ZBTB20: variants seen among roughly 807,000 people sequenced by gnomAD.
ZBTB20 encodes zinc finger and BTB domain-containing protein 20.
ZBTB20 carries 9 observed loss-of-function variants against 56.9 expected under a neutral mutation model. The observed-to-expected ratio is 0.16, with a 90% CI of 0.10 to 0.28. The LOEUF is 0.28. Ranked by LOEUF, ZBTB20 falls within the 10% of genes least tolerant of loss-of-function variation. The pLI is 1.00. For synonymous variants in ZBTB20, 417 were observed against 420.7 expected, an observed-to-expected ratio of 0.99 and a Z score of 0.11; for missense variants, 655 against 1,003.0, an observed-to-expected ratio of 0.65 and a Z score of 4.69.
At chr3:114,736,118 G>A (rs1393429987) in intron 5 of ZBTB20, among the ~76,000 whole-genome samples, 2 of 152,100 alleles carry the variant, frequency 1.3e-5, no homozygotes, top group Non-Finnish European at 2.9e-5. Context: ...TTCCATTCTA[G>A]CTCCACATTC....
chr3:114,646,968 A>ATT (rs889462951), intron 6 of ZBTB20, among the ~76,000 whole-genome samples: 2 of 150,660 alleles, frequency 1.3e-5, no homozygotes, highest in African/African-American at 4.9e-5. Flanking sequence ...TTATTTATTT[A>ATT]TTTTTTTTTA....
chr3:114,368,392 A>G (rs1254959644), intron 10 of ZBTB20, among the ~76,000 whole-genome samples: 1 of 152,156 alleles, frequency 6.6e-6, no homozygotes, highest in Non-Finnish European at 1.5e-5. Flanking sequence ...GCAGTCTGTT[A>G]TCATACCTGC....
chr3:114,497,583 C>A (rs536806008), intron 7 of ZBTB20, among the ~76,000 whole-genome samples: 1 of 152,186 alleles, frequency 6.6e-6, no homozygotes, highest in Non-Finnish European at 1.5e-5. Context: ...GACTTTAAGA[C>A]CCAGCCTGGT....
intron 5 of ZBTB20, among the ~76,000 whole-genome samples, chr3:114,749,404 G>A (rs1031542803): frequency 5.3e-5 from 8 of 152,002 alleles, no homozygotes; most frequent in Non-Finnish European, 1.0e-4. Flanking sequence ...ATACAAAAAA[G>A]TAGCTGGGTG....
chr3:114,689,474 G>T (rs1350134487), intron 6 of ZBTB20, among the ~76,000 whole-genome samples: 3 of 152,080 alleles, frequency 2.0e-5, no homozygotes, highest in African/African-American at 7.2e-5. Flanking sequence ...TATCGTACTA[G>T]TTCGTTCTAA....
chr3:114,678,442 A>G (rs2061767427), intron 6 of ZBTB20, among the ~76,000 whole-genome samples: 1 of 152,200 alleles, frequency 6.6e-6, no homozygotes, highest in Non-Finnish European at 1.5e-5. Context: ...AGTCAACTAT[A>G]GGATATTGTT....
At chr3:114,371,103 T>C (rs185360412) in intron 10 of ZBTB20, among the ~76,000 whole-genome samples, 15 of 152,328 alleles carry the variant, frequency 9.8e-5, no homozygotes, top group Non-Finnish European at 2.1e-4. Context: ...ATCTTGCTCA[T>C]GGTAGGCCCT....
At chr3:115,034,454 A>G (rs1365595016) in intron 2 of ZBTB20, among the ~76,000 whole-genome samples, 2 of 151,872 alleles carry the variant, frequency 1.3e-5, no homozygotes, top group African/African-American at 2.4e-5. Flanking sequence ...ACACTGAACA[A>G]TCTAAAAAGA....
intron 10 of ZBTB20, among the ~76,000 whole-genome samples, chr3:114,353,727 T>TA (rs2108235932): frequency 6.6e-6 from 1 of 152,352 alleles, no homozygotes; most frequent in African/African-American, 2.4e-5. Flanking sequence ...ACCATGATAG[T>TA]AATCACAAGA....
At chr3:114,892,331 A>G (rs1320860888) in intron 4 of ZBTB20, among the ~76,000 whole-genome samples, 1 of 152,176 alleles carries the variant, frequency 6.6e-6, no homozygotes, top group Non-Finnish European at 1.5e-5. Flanking sequence ...AACAGCAAAT[A>G]AATTTGGTGC....
intron 6 of ZBTB20, among the ~76,000 whole-genome samples, chr3:114,555,331 T>G (rs775403563): frequency 1.3e-5 from 2 of 152,118 alleles, no homozygotes; most frequent in African/African-American, 4.8e-5. Flanking sequence ...TGTTTACTGG[T>G]TGGCAGGTAA....
At chr3:114,876,892 C>T (rs1396667183) in intron 4 of ZBTB20, among the ~76,000 whole-genome samples, 1 of 152,066 alleles carries the variant, frequency 6.6e-6, no homozygotes, top group Non-Finnish European at 1.5e-5. Flanking sequence ...TTATCTCATG[C>T]TTCCATAGTA....
chr3:114,505,011 G>A (rs559880151), intron 6 of ZBTB20, among the ~76,000 whole-genome samples: 4 of 152,092 alleles, frequency 2.6e-5, no homozygotes, highest in African/African-American at 7.2e-5. Flanking sequence ...TCAGGATTAC[G>A]CAGGCTAGTT....
At chr3:115,057,463 C>A (rs1341931955) in intron 2 of ZBTB20, among the ~76,000 whole-genome samples, 1 of 152,074 alleles carries the variant, frequency 6.6e-6, no homozygotes, top group South Asian at 2.1e-4. Flanking sequence ...ATTTCAACAA[C>A]ACACTTCTAT....
chr3:114,677,859 C>G (rs1403259239), intron 6 of ZBTB20, among the ~76,000 whole-genome samples: 1 of 152,126 alleles, frequency 6.6e-6, no homozygotes, highest in Non-Finnish European at 1.5e-5. Flanking sequence ...CTCTCTCTGC[C>G]TACTCTTTCT....
intron 4 of ZBTB20, among the ~76,000 whole-genome samples, chr3:114,845,446 T>C (rs541211113): frequency 1.1e-4 from 16 of 150,848 alleles, no homozygotes; most frequent in South Asian, 8.5e-4. Flanking sequence ...TTCCCCAAAA[T>C]AGAAATGTGA....
At chr3:114,968,508 C>G (rs1231532138) in intron 3 of ZBTB20, among the ~76,000 whole-genome samples, 5 of 152,166 alleles carry the variant, frequency 3.3e-5, no homozygotes, top group Non-Finnish European at 7.3e-5. Context: ...AACATAATGA[C>G]TTGGAATGCC....
At chr3:114,831,184 T>G (rs2073824857) in intron 4 of ZBTB20, among the ~76,000 whole-genome samples, 1 of 151,016 alleles carries the variant, frequency 6.6e-6, no homozygotes, top group African/African-American at 2.4e-5. Flanking sequence ...TTTTATTCTT[T>G]CTTGAAACTG....
chr3:114,620,231 G>T lies in ZBTB20; in HGVS notation c.-295+73297C>A, dbSNP rs533953734. Among the ~76,000 whole-genome samples the T allele has an allele frequency of 1.2e-4, 18 of 152,280 alleles. No individual in the cohort carries two copies. The East Asian group carries it at 2.9e-3, about 24-fold the overall frequency. On this transcript the variant is annotated intron_variant, in intron 6 of 11. Transcript: ENST00000675478. The stretch of plus-strand genomic sequence containing the variant: ...TTGGAAGATCTAATGTGGGAGTTAA[G>T]GAGGCTCAGATATAGAAGACTCTGC...
Sources: allele counts gnomAD v4.1 joint callset (sites outside exome capture counted in the v4.1 genomes callset), GRCh38; gene constraint gnomAD v4.1.1; transcripts MANE v1.5; gene names NCBI Gene and HGNC (gene_info 2026-07-23, HGNC 2026-07-21).